The following GFOD2 variants were observed in gnomAD, a reference collection of about 807,000 sequenced individuals.
GFOD2 encodes glucose-fructose oxidoreductase domain-containing protein 2.
Under a neutral mutation model 24.6 loss-of-function variants are expected in GFOD2, and 9 were observed. The observed-to-expected ratio is 0.37, with a 90% CI of 0.22 to 0.64. GFOD2 has a LOEUF of 0.64. GFOD2 is among the 30% of genes least tolerant of loss of function. GFOD2 has a pLI of 0.65. For missense variants in GFOD2, 476 were observed against 532.5 expected, an observed-to-expected ratio of 0.89 and a Z score of 1.04; for synonymous variants, 211 against 224.8, an observed-to-expected ratio of 0.94 and a Z score of 0.55.
At chr16:67,682,431 G>A in intron 2 of GFOD2, 3 of 985,346 alleles carry the variant, frequency 3.0e-6, no homozygotes, top group Non-Finnish European at 3.6e-6. Context: ...ACATTCAACT[G>A]TGGCAAAGAT....
At chr16:67,680,842 C>T in intron 2 of GFOD2, 1 of 984,966 alleles carries the variant, frequency 1.0e-6, no homozygotes, top group Non-Finnish European at 1.2e-6. Flanking sequence ...TATACATGTG[C>T]CGTGTTGGTG....
At chr16:67,683,581 C>G in intron 2 of GFOD2, 1 of 1,231,800 alleles carries the variant, frequency 8.1e-7, no homozygotes, top group Non-Finnish European at 1.0e-6. Flanking sequence ...TCAGAGAGAG[C>G]TCTCTGGAAG....
In GFOD2 at chr16:67,675,689, G is replaced by GT; in HGVS notation, c.623dup (p.Asn208LysfsTer12). 4.3e-6 allele frequency: 7 copies of GT among 1,613,860 alleles called. No homozygotes were observed. Among genetic ancestry groups the GT allele is most frequent in the Non-Finnish European group, 5.9e-6 (7 of 1,180,042 alleles). On this transcript the variant is annotated frameshift_variant, in exon 3 of 3. Transcript: ENST00000268797. LOFTEE classifies it high-confidence loss of function. ...CGTGCCGGATGCCACGGATGGCAGC[G>GT]TTCTGCCTCACGAATGTCTTGAGCA...
intron 1 of GFOD2, among the ~76,000 whole-genome samples, chr16:67,717,042 G>A (rs997186999): frequency 6.6e-6 from 1 of 152,024 alleles, no homozygotes; most frequent in African/African-American, 2.4e-5. Context: ...GATTACAGGC[G>A]TGCACCACCA....
At chr16:67,698,998 C>T (rs570691374) in intron 1 of GFOD2, among the ~76,000 whole-genome samples, 13 of 152,184 alleles carry the variant, frequency 8.5e-5, no homozygotes, top group Non-Finnish European at 1.6e-4. Flanking sequence ...TAGACCAATA[C>T]GTCTCATAAA....
At chr16:67,709,506 TAGG>T (rs1488188234) in intron 1 of GFOD2, among the ~76,000 whole-genome samples, 2 of 152,068 alleles carry the variant, frequency 1.3e-5, no homozygotes, top group Non-Finnish European at 2.9e-5. Context: ...GTGTACAGTC[TAGG>T]AGGAGAGATA....
chr16:67,683,549 A>G, intron 2 of GFOD2: 1 of 1,231,782 alleles, frequency 8.1e-7, no homozygotes, highest in South Asian at 4.1e-5. Context: ...CAATGAATGA[A>G]TAACTCCAAT....
chr16:67,680,036 T>C (rs528720468), intron 2 of GFOD2, among the ~76,000 whole-genome samples: 3 of 152,246 alleles, frequency 2.0e-5, no homozygotes, highest in African/African-American at 4.8e-5. Flanking sequence ...GCAAGGACCA[T>C]AGATGAGTGA....
Position 67,685,544 on chromosome 16 carries a change from C to T in GFOD2, c.172G>A (p.Asp58Asn), listed in dbSNP as rs1140038. ...ACATCTTGATGCAGCAAGATGTCAT[C>T]AGTCCGGCTGGTGTAGAAGGCGATG... ...MNIAFYTSRTDDILLHQDVDL... is the reference protein window; with the variant it reads ...MNIAFYTSRTNDILLHQDVDL... The change falls in exon 2 of 3, where the codon GAT becomes AAT. Residue 58 changes from aspartate (D) to asparagine (N), a missense_variant. Transcript: ENST00000268797. 1.9e-6 allele frequency: 3 copies of T among 1,614,170 alleles called. No homozygotes were observed. Among genetic ancestry groups the T allele is most frequent in the African/African-American group, 1.3e-5 (1 of 75,042 alleles).
chr16:67,688,620 T>C (rs2053285623), intron 1 of GFOD2, among the ~76,000 whole-genome samples: 1 of 152,136 alleles, frequency 6.6e-6, no homozygotes, highest in South Asian at 2.1e-4. Context: ...CTGGTAACCC[T>C]AGACCCACTG....
intron 2 of GFOD2, chr16:67,683,265 A>C: frequency 8.7e-7 from 1 of 1,145,288 alleles, no homozygotes; most frequent in Non-Finnish European, 1.1e-6. Flanking sequence ...TTGCCAAAGA[A>C]CCCTGGGGTT....
chr16:67,681,552 G>T (rs747641198), intron 2 of GFOD2: 18 of 495,686 alleles, frequency 3.6e-5, no homozygotes, highest in Middle Eastern at 1.0e-3. Context: ...GGGACCACAG[G>T]TGCACGCCAC....
In GFOD2 at chr16:67,685,470, G is replaced by A. The variant is rs776313832; in HGVS notation, c.246C>T (p.Ser82=). 1.7e-5 allele frequency: 27 copies of A among 1,614,012 alleles called. No homozygotes were observed. Among genetic ancestry groups the A allele is most frequent in the East Asian group, 2.2e-5 (1 of 44,888 alleles). ...SIPPPLTRQI[S]VKALGIGKNV... is the part of the protein sequence containing the mutation. ...TGCCGGGCGTACCTAGAGCCTTCAC[G>A]GATATCTGCCGGGTGAGTGGAGGGG... The change falls in exon 2 of 3, where the codon TCC becomes TCT. Residue 82 remains serine (S), a synonymous_variant. Coordinates refer to ENST00000268797, the MANE Select transcript of GFOD2 (RefSeq NM_030819.4).
At position 67,685,765 on chromosome 16, in the gene GFOD2, G is replaced by A; in HGVS notation, c.-50C>T. On this transcript the variant is annotated 5_prime_UTR_variant, in exon 2 of 3. Transcript: ENST00000268797. Reference sequence around the variant, plus strand: ...ATCTCCTCACAAGAGCCTCTGGCATGGATATGATCTTCCAAACGTCCTGGT... The same window carrying A: ...ATCTCCTCACAAGAGCCTCTGGCATAGATATGATCTTCCAAACGTCCTGGT... 6.4e-7 allele frequency: 1 copy of A among 1,569,290 alleles called. No homozygotes were observed. Among genetic ancestry groups the A allele is most frequent in the South Asian group, 1.2e-5 (1 of 86,602 alleles).
chr16:67,684,773 TAA>T (rs910362763), intron 2 of GFOD2: 2 of 983,866 alleles, frequency 2.0e-6, no homozygotes, highest in Admixed American at 6.1e-5. Context: ...TTATATTAGA[TAA>T]AGAGAAGAAG....
At chr16:67,686,266 A>G (rs2053265500) in intron 1 of GFOD2, among the ~76,000 whole-genome samples, 1 of 152,190 alleles carries the variant, frequency 6.6e-6, no homozygotes, top group African/African-American at 2.4e-5. Flanking sequence ...CCTGGGCAAC[A>G]GTGCAAGACC....
chr16:67,712,958 C>T (rs1475894920), intron 1 of GFOD2, among the ~76,000 whole-genome samples: 2 of 127,410 alleles, frequency 1.6e-5, no homozygotes, highest in Non-Finnish European at 1.5e-5. Flanking sequence ...ATGTGAGGAG[C>T]GCCTCTGCTG....
intron 1 of GFOD2, 28 bp from the exon 2 acceptor site, chr16:67,685,830 T>C: frequency 7.8e-7 from 1 of 1,275,782 alleles, no homozygotes. Flanking sequence ...ACACTGGTTA[T>C]TACTGGAGAG....
intron 1 of GFOD2, among the ~76,000 whole-genome samples, chr16:67,707,364 A>C (rs1430605523): frequency 6.6e-6 from 1 of 152,064 alleles, no homozygotes; most frequent in East Asian, 1.9e-4. Context: ...TTTCAAAAAA[A>C]AAAAAAAAAG....
Sources: allele counts gnomAD v4.1 joint callset (sites outside exome capture counted in the v4.1 genomes callset), GRCh38; gene constraint gnomAD v4.1.1; transcripts MANE v1.5; gene names NCBI Gene and HGNC (gene_info 2026-07-23, HGNC 2026-07-21).